Variants in STAMBPL1 observed in about 807,000 individuals in gnomAD.
The protein encoded by STAMBPL1 is STAM binding protein like 1.
STAMBPL1 carries 44 observed loss-of-function variants against 52.9 expected under a neutral mutation model. The ratio of observed to expected loss-of-function variants is 0.83; its 90% CI spans 0.65 to 1.07. The LOEUF is 1.07. STAMBPL1 is among the 50% of genes least tolerant of loss of function. STAMBPL1 has a pLI of 0.00. For synonymous variants in STAMBPL1, 164 were observed against 177.3 expected, an observed-to-expected ratio of 0.92 and a Z score of 0.60; for missense variants, 511 against 520.8, an observed-to-expected ratio of 0.98 and a Z score of 0.18.
At chr10:88,899,875 C>T (rs1194157111) in intron 1 of STAMBPL1, among the ~76,000 whole-genome samples, 3 of 152,202 alleles carry the variant, frequency 2.0e-5, no homozygotes, top group Admixed American at 6.5e-5. Flanking sequence ...CCTCCCTCCC[C>T]GGCTTCACAT....
At chr10:88,921,531 T>C in intron 9 of STAMBPL1, 136 bp downstream of exon 9, 1 of 641,864 alleles carries the variant, frequency 1.6e-6, no homozygotes. Context: ...TGGGTAGTAG[T>C]CAGCTGCCAT....
intron 1 of STAMBPL1, among the ~76,000 whole-genome samples, chr10:88,891,352 T>G (rs1300020973): frequency 6.6e-6 from 1 of 152,096 alleles, no homozygotes; most frequent in Non-Finnish European, 1.5e-5. Context: ...TTAAACAGCT[T>G]TCAAGCAAGA....
intron 7 of STAMBPL1, among the ~76,000 whole-genome samples, chr10:88,915,231 C>A (rs1395367980): frequency 6.6e-6 from 1 of 152,142 alleles, no homozygotes; most frequent in East Asian, 1.9e-4. Flanking sequence ...GAGATGCATT[C>A]AATTTCCTAT....
intron 1 of STAMBPL1, among the ~76,000 whole-genome samples, chr10:88,891,601 G>T (rs780308557): frequency 6.6e-6 from 1 of 152,100 alleles, no homozygotes; most frequent in Non-Finnish European, 1.5e-5. Flanking sequence ...ATTAATAATT[G>T]AACAAATCAA....
chr10:88,897,457 CAAG>C lies in STAMBPL1; in HGVS notation c.-53-4195_-53-4193del, dbSNP rs1172921439. 3.3e-5 allele frequency among the ~76,000 whole-genome samples: 5 copies of C among 152,196 alleles called. No individual in the cohort carries two copies. The East Asian group carries it at 9.6e-4, about 29-fold the overall frequency. On this transcript the variant is annotated intron_variant, in intron 1 of 10. Transcript: ENST00000371926. The stretch of plus-strand genomic sequence containing the variant: ...CAGGAAAAGGGGCTAGCAATAAAAG[CAAG>C]AAGGCAAGAGCTCTGAAGCAAGAAC...
At chr10:88,895,629 G>A (rs147251846) in intron 1 of STAMBPL1, among the ~76,000 whole-genome samples, 59 of 152,262 alleles carry the variant, frequency 3.9e-4, no homozygotes, top group Admixed American at 3.9e-3. Context: ...TTAAGCTTTA[G>A]TTGAATTCTT....
At chr10:88,903,212 G>T (rs1844990207) in intron 2 of STAMBPL1, among the ~76,000 whole-genome samples, 1 of 152,154 alleles carries the variant, frequency 6.6e-6, no homozygotes, top group South Asian at 2.1e-4. Context: ...AAGACTTTAG[G>T]TTATTTTCCA....
intron 1 of STAMBPL1, among the ~76,000 whole-genome samples, chr10:88,887,451 A>G (rs1158880714): frequency 6.6e-6 from 1 of 152,200 alleles, no homozygotes; most frequent in Non-Finnish European, 1.5e-5. Flanking sequence ...TTCTCAAACT[A>G]GGCTCAAAGT....
At position 88,913,192 on chromosome 10, in the gene STAMBPL1, A is replaced by T. The variant is rs769610286; in HGVS notation, c.512A>T (p.Gln171Leu). The T allele has an allele frequency of 6.2e-7, 1 of 1,613,894 alleles. No homozygotes were observed. Among genetic ancestry groups the T allele is most frequent in the Admixed American group, 1.7e-5 (1 of 59,962 alleles). ...CGGATTGCTCAGATGCGCCAGCAGC[A>T]GCTAGAATCGGAGCAGTTTCTGTTT... ...RKRIAQMRQQQLESEQFLFFE... is the reference protein window; with the variant it reads ...RKRIAQMRQQLLESEQFLFFE... The change falls in exon 6 of 11, where the codon CAG (glutamine) becomes CTG (leucine). Residue 171 changes from glutamine to leucine, a missense_variant. Physicochemically the swap from Gln to Leu is moderately radical, Grantham distance 113. Coordinates refer to ENST00000371926, the MANE Select transcript of STAMBPL1 (RefSeq NM_020799.4).
At chr10:88,905,733 TG>T in intron 3 of STAMBPL1, 73 bp downstream of exon 3, 1 of 1,203,266 alleles carries the variant, frequency 8.3e-7, no homozygotes, top group East Asian at 2.5e-5. Flanking sequence ...TGTGGCAGTT[TG>T]GGTATCAGTA....
At chr10:88,921,182 G>T in intron 8 of STAMBPL1, 101 bp from the exon 9 acceptor site, 2 of 832,362 alleles carry the variant, frequency 2.4e-6, no homozygotes, top group Admixed American at 2.6e-5. Context: ...TTTGATTAAT[G>T]ATGGTAAAAA....
chr10:88,921,534 G>C, intron 9 of STAMBPL1, 139 bp downstream of exon 9: 1 of 634,932 alleles, frequency 1.6e-6, no homozygotes, highest in Non-Finnish European at 2.8e-6. Context: ...GTAGTAGTCA[G>C]CTGCCATAGA....
rs1845565471 is a variant in STAMBPL1, at chr10:88,923,440, T to C, written c.*216T>C. On this transcript the variant is annotated 3_prime_UTR_variant, in exon 11 of 11. Coordinates refer to ENST00000371926, the MANE Select transcript of STAMBPL1 (RefSeq NM_020799.4). ...TACATGGTGTTAAATCGGTACCTGA[T>C]AATGTACCCAAATACTATGGCCAGA... The C allele has an allele frequency of 1.6e-6, 2 of 1,265,576 alleles. No homozygotes were observed. Among genetic ancestry groups the C allele is most frequent in the African/African-American group, 1.6e-5 (1 of 64,398 alleles). 78.4% of individuals were successfully genotyped at this position (1,265,576 alleles called of 1,614,324 possible).
intron 5 of STAMBPL1, 171 bp from the exon 6 acceptor site, chr10:88,912,930 G>C: frequency 3.0e-6 from 2 of 661,044 alleles, no homozygotes; most frequent in Non-Finnish European, 5.3e-6. Flanking sequence ...TCAGATCAAG[G>C]GGCTTTTGCC....
chr10:88,904,363 C>A (rs1388441410), intron 2 of STAMBPL1, among the ~76,000 whole-genome samples: 1 of 152,182 alleles, frequency 6.6e-6, no homozygotes, highest in Non-Finnish European at 1.5e-5. Context: ...TAGGAATTTG[C>A]ATTTGTAAGA....
chr10:88,892,213 T>C (rs1241706538), intron 1 of STAMBPL1, among the ~76,000 whole-genome samples: 1 of 152,140 alleles, frequency 6.6e-6, no homozygotes, highest in Non-Finnish European at 1.5e-5. Context: ...TGTAACTGTT[T>C]AATGCAGTGA....
intron 1 of STAMBPL1, among the ~76,000 whole-genome samples, chr10:88,886,495 G>T (rs1589347701): frequency 6.6e-6 from 1 of 152,014 alleles, no homozygotes; most frequent in Non-Finnish European, 1.5e-5. Context: ...GATTAAAGAT[G>T]AAAGAATTTG....
chr10:88,889,487 T>C (rs1844623754), intron 1 of STAMBPL1, among the ~76,000 whole-genome samples: 2 of 152,212 alleles, frequency 1.3e-5, no homozygotes, highest in South Asian at 4.1e-4. Flanking sequence ...TGCCCATTTT[T>C]ACTCTTTTTC....
chr10:88,905,590 AG>A lies in STAMBPL1; in HGVS notation c.180del (p.Met61TrpfsTer22). The A allele has an allele frequency of 6.2e-7, 1 of 1,614,172 alleles. No homozygotes were observed. The highest frequency in any genetic ancestry group is 8.5e-7 in the Non-Finnish European group (1 of 1,180,006). On this transcript the variant is annotated frameshift_variant, in exon 3 of 11. Transcript: ENST00000371926. LOFTEE classifies it high-confidence loss of function. ...CTTTAGGTCTGGAGTAGAGATGGAG[AG>A]GATGGCGTCTGTGTATTTGGAAGAA... ...RYFRSGVEMERMASVYLEEGN... is the reference protein window; with the variant it reads ...RYFRSGVEMEXMASVYLEEGN...
Sources: gnomAD v4.1 joint callset for allele counts (sites outside exome capture counted in the v4.1 genomes callset) on GRCh38, gnomAD v4.1.1 for gene constraint, MANE v1.5 for transcripts, NCBI Gene and HGNC (gene_info 2026-07-23, HGNC 2026-07-21) for gene names.